GPHN: variants seen among roughly 807,000 people sequenced by gnomAD.
The protein encoded by GPHN is gephyrin.
Under a neutral mutation model 95.5 loss-of-function variants are expected in GPHN, and 17 were observed. That is an observed-to-expected ratio of 0.18 (90% CI 0.12 to 0.27). The LOEUF (loss-of-function observed/expected upper bound fraction) is 0.27, where lower values mean the gene tolerates loss of function less well. Ranked by LOEUF, GPHN falls within the 10% of genes least tolerant of loss-of-function variation. GPHN has a pLI of 1.00. For synonymous variants in GPHN, 320 were observed against 322.5 expected, an observed-to-expected ratio of 0.99 and a Z score of 0.08; for missense variants, 660 against 978.1, an observed-to-expected ratio of 0.67 and a Z score of 4.34.
chr14:66,655,687 G>A (rs551882080), intron 1 of GPHN, among the ~76,000 whole-genome samples: 3 of 151,524 alleles, frequency 2.0e-5, no homozygotes, highest in African/African-American at 7.3e-5. Context: ...CTGGTCTTTG[G>A]GGAAAGCATT....
chr14:66,545,765 G>T (rs2059558614), intron 1 of GPHN, among the ~76,000 whole-genome samples: 1 of 147,838 alleles, frequency 6.8e-6, no homozygotes, highest in African/African-American at 2.5e-5. Context: ...CCCGGACGGG[G>T]CAGCTGGCCG....
At chr14:66,990,476 T>A (rs2071337126) in intron 9 of GPHN, among the ~76,000 whole-genome samples, 1 of 152,208 alleles carries the variant, frequency 6.6e-6, no homozygotes, top group Admixed American at 6.5e-5. Context: ...GTTGGTCGCG[T>A]CTTCTACCCT....
chr14:67,439,387 A>G, the GPHN span, among the ~76,000 whole-genome samples: 1 of 152,190 alleles, frequency 6.6e-6, no homozygotes, highest in Non-Finnish European at 1.5e-5. Flanking sequence ...CTCTTCTCTC[A>G]GCTGCAGAAG....
the GPHN span, among the ~76,000 whole-genome samples, chr14:67,324,377 G>A: frequency 6.6e-6 from 1 of 151,986 alleles, no homozygotes; most frequent in Non-Finnish European, 1.5e-5. Flanking sequence ...ATGTAAGATG[G>A]TAACTCTGTC....
the GPHN span, among the ~76,000 whole-genome samples, chr14:67,308,031 G>A: frequency 6.6e-6 from 1 of 152,134 alleles, no homozygotes; most frequent in South Asian, 2.1e-4. Context: ...TAAATGATGA[G>A]AACACGTGGA....
At chr14:67,576,247 C>G in the GPHN span, 6 of 617,438 alleles carry the variant, frequency 9.7e-6, no homozygotes, top group Non-Finnish European at 1.7e-5. This position sits in a 1 kb window ranked among gnomAD's most constrained non-coding sequence, Gnocchi z 4.0. Context: ...TTCACCTGAT[C>G]CTCAGTCTTT....
the GPHN span, among the ~76,000 whole-genome samples, chr14:67,500,156 C>T: frequency 1.3e-5 from 2 of 151,970 alleles, no homozygotes; most frequent in African/African-American, 2.4e-5. Context: ...AGAGTGAGAC[C>T]CTGTCTCTTA....
the GPHN span, among the ~76,000 whole-genome samples, chr14:67,221,330 C>A: frequency 3.7e-4 from 56 of 152,300 alleles, no homozygotes; most frequent in African/African-American, 1.2e-3. Context: ...TTGGTGATTT[C>A]TCCTAACCAT....
chr14:66,998,890 T>G (rs372442954), intron 9 of GPHN, among the ~76,000 whole-genome samples: 1 of 138,814 alleles, frequency 7.2e-6, no homozygotes, highest in Admixed American at 7.3e-5. Flanking sequence ...AAAAAAAAAA[T>G]ATATATATAT....
the GPHN span, among the ~76,000 whole-genome samples, chr14:67,668,685 T>C: frequency 3.0e-4 from 46 of 152,340 alleles, 1 homozygote; most frequent in African/African-American, 1.1e-3. Context: ...ATTGAGCTTA[T>C]ATTCTAGCTC....
chr14:66,683,399 T>TATATATATGTTCATATATATGTGTTC (rs1595534463), intron 2 of GPHN, among the ~76,000 whole-genome samples: 2 of 9,786 alleles, frequency 2.0e-4, no homozygotes, highest in Non-Finnish European at 4.3e-4. Flanking sequence ...TATATGTTCA[T>TATATATATGTTCATATATATGTGTTC]ATATATATAT....
chr14:67,496,404 T>G, the GPHN span, among the ~76,000 whole-genome samples: 2 of 129,060 alleles, frequency 1.5e-5, no homozygotes, highest in South Asian at 3.0e-4. Context: ...TTTTTTTTTT[T>G]TTTTTTTTTT....
the GPHN span, among the ~76,000 whole-genome samples, chr14:67,709,519 T>C: frequency 1.3e-5 from 2 of 152,242 alleles, no homozygotes; most frequent in Non-Finnish European, 2.9e-5. Flanking sequence ...CTTGCATCAG[T>C]GTGCCTTTGA....
chr14:66,991,925 G>A (rs1212658150), intron 9 of GPHN, among the ~76,000 whole-genome samples: 1 of 149,286 alleles, frequency 6.7e-6, no homozygotes, highest in Non-Finnish European at 1.5e-5. Context: ...ATAATCCAAA[G>A]TAATACTTTC....
intron 3 of GPHN, among the ~76,000 whole-genome samples, chr14:66,786,356 A>G (rs972960757): frequency 1.3e-5 from 2 of 152,114 alleles, no homozygotes; most frequent in African/African-American, 4.8e-5. Context: ...GACAATCTAC[A>G]TGGTATAAAA....
intron 1 of GPHN, among the ~76,000 whole-genome samples, chr14:66,566,477 C>A (rs1276100759): frequency 6.6e-6 from 1 of 152,084 alleles, no homozygotes. Flanking sequence ...GTCTGTAACA[C>A]AAAGGCAGTT....
chr14:67,649,924 G>A, the GPHN span: 1 of 152,194 alleles, frequency 6.6e-6, no homozygotes, highest in Admixed American at 6.5e-5. Flanking sequence ...TTAGAGGGGT[G>A]AGCATAGTAG....
At chr14:67,452,948 T>C in the GPHN span, among the ~76,000 whole-genome samples, 1 of 152,198 alleles carries the variant, frequency 6.6e-6, no homozygotes, top group Non-Finnish European at 1.5e-5. Context: ...CTAGCCATGC[T>C]ACCTTCCTCA....
intron 9 of GPHN, among the ~76,000 whole-genome samples, chr14:66,984,506 A>G (rs1194687004): frequency 6.6e-6 from 1 of 152,254 alleles, no homozygotes; most frequent in East Asian, 1.9e-4. Context: ...CAACTCTTAT[A>G]TAGCAATATG....
Sources: allele counts gnomAD v4.1 joint callset (sites outside exome capture counted in the v4.1 genomes callset), GRCh38; gene constraint gnomAD v4.1.1; non-coding constraint Gnocchi (gnomAD v3.1); transcripts MANE v1.5; gene names NCBI Gene and HGNC (gene_info 2026-07-23, HGNC 2026-07-21).